The following NUAK2 variants were observed in gnomAD, a reference collection of about 807,000 sequenced individuals.
NUAK2 encodes NUAK family SNF1-like kinase 2.
Under a neutral mutation model 29.8 loss-of-function variants are expected in NUAK2, and 20 were observed. The observed-to-expected ratio is 0.67, with a 90% CI of 0.47 to 0.98. The LOEUF (loss-of-function observed/expected upper bound fraction) is 0.98. Ranked by LOEUF, NUAK2 falls within the 50% of genes least tolerant of loss-of-function variation. NUAK2 has a pLI of 0.00. For synonymous variants in NUAK2, 331 were observed against 342.6 expected (o/e 0.97, Z 0.37); for missense variants, 719 against 834.5 (o/e 0.86, Z 1.71).
chr1:205,321,130 A>G (rs1156554839), intron 1 of NUAK2, among the ~76,000 whole-genome samples: 1 of 152,170 alleles, frequency 6.6e-6, no homozygotes, highest in Non-Finnish European at 1.5e-5. Flanking sequence ...TTCCGCGCCA[A>G]CTATCCATAG....
chr1:205,308,439 A>G lies in NUAK2; in HGVS notation c.504+142T>C. 1.0e-6 allele frequency: 1 copy of G among 963,666 alleles called. No individual in the cohort carries two copies. Among genetic ancestry groups the G allele is most frequent in the Non-Finnish European group, 1.6e-6 (1 of 634,022 alleles). The allele number at this position is 963,666 out of a possible 1,614,324, so 59.7% of individuals were successfully genotyped here. Reference sequence around the variant, plus strand: ...GGGACTCAAAGTCAGAGACACTGACATTTCCCTGAGAGTCCAGAATCTAGT... The same window carrying G: ...GGGACTCAAAGTCAGAGACACTGACGTTTCCCTGAGAGTCCAGAATCTAGT... On this transcript the variant is annotated intron_variant, in intron 3 of 6. Transcript: ENST00000367157. This position sits in a 1 kb window ranked among gnomAD's most constrained non-coding sequence, Gnocchi z 4.1.
At chr1:205,314,503 G>C (rs1342015716) in intron 1 of NUAK2, among the ~76,000 whole-genome samples, 8 of 152,222 alleles carry the variant, frequency 5.3e-5, no homozygotes, top group Non-Finnish European at 1.0e-4. Flanking sequence ...GAGAGGGCCT[G>C]AATCCTCCTT....
At chr1:205,307,008 T>C (rs577992584) in intron 4 of NUAK2, among the ~76,000 whole-genome samples, 19 of 152,230 alleles carry the variant, frequency 1.2e-4, no homozygotes, top group Non-Finnish European at 2.5e-4. Context: ...GAAGCAATAA[T>C]GAGGGCAGAA....
Position 205,303,644 on chromosome 1 carries a change from C to G in NUAK2, c.1693G>C (p.Glu565Gln). The G allele has an allele frequency of 6.3e-7, 1 of 1,588,714 alleles. No homozygotes were observed. The highest frequency in any genetic ancestry group is 1.1e-5 in the South Asian group (1 of 88,138). The change falls in exon 7 of 7, where the codon GAG becomes CAG. Residue 565 changes from glutamate to glutamine, a missense_variant. Physicochemically the swap from Glu to Gln is conservative, Grantham distance 29. This residue lies in a region of NUAK2 where 430 missense variants were observed against 465.7 expected (regional missense o/e 0.92). Coordinates refer to ENST00000367157, the MANE Select transcript of NUAK2 (RefSeq NM_030952.3). The stretch of plus-strand genomic sequence containing the variant: ...GACACACAGCCCCGCAGTGGGGGCT[C>G]TGGGAGCCGTTCAGGCAAGTCCAGC... Reference protein sequence around the residue: ...DQLDLPERLPEPPLRGCVSVD... With the variant: ...DQLDLPERLPQPPLRGCVSVD...
At chr1:205,310,505 G>A (rs1662242518) in intron 2 of NUAK2, among the ~76,000 whole-genome samples, 1 of 152,190 alleles carries the variant, frequency 6.6e-6, no homozygotes, top group African/African-American at 2.4e-5. Context: ...GAAGGTGCCA[G>A]AGAAGCCATA....
At chr1:205,321,277 C>T in intron 1 of NUAK2, 121 bp downstream of exon 1, 5 of 831,300 alleles carry the variant, frequency 6.0e-6, no homozygotes, top group Non-Finnish European at 9.0e-6. Context: ...AAGCTCAGCG[C>T]GGTAAAGACC....
chr1:205,319,250 A>G (rs1212036766), intron 1 of NUAK2, among the ~76,000 whole-genome samples: 1 of 152,232 alleles, frequency 6.6e-6, no homozygotes, highest in Non-Finnish European at 1.5e-5. Flanking sequence ...GGTTCACAGC[A>G]GGTCCCATGC....
intron 1 of NUAK2, among the ~76,000 whole-genome samples, chr1:205,321,124 G>A (rs1299434223): frequency 6.6e-6 from 1 of 152,118 alleles, no homozygotes; most frequent in Admixed American, 6.5e-5. Flanking sequence ...TCGTTTTTCC[G>A]CGCCAACTAT....
rs148090503 is a variant in NUAK2, at chr1:205,303,979, C to T, written c.1358G>A (p.Arg453Gln). The change falls in exon 7 of 7, where the codon CGA (arginine) becomes CAA (glutamine). Residue 453 changes from arginine to glutamine, a missense_variant. Coordinates refer to ENST00000367157, the MANE Select transcript of NUAK2 (RefSeq NM_030952.3). The stretch of plus-strand genomic sequence containing the variant: ...GGAGTAGTAGCCAGACTCGCGCTGT[C>T]GGGGCTTCTTGAGAATGCCCTTCTT... ...LPKKGILKKP[R>Q]QRESGYYSSP... 143 of 1,613,772 alleles carry T rather than the reference C, an allele frequency of 8.9e-5. No individual in the cohort carries two copies. Among genetic ancestry groups the T allele is most frequent in the African/African-American group, 2.0e-4 (15 of 74,928 alleles).
chr1:205,303,223 C>T lies in NUAK2; in HGVS notation c.*227G>A. ...GTCGCGGGCATTCCCGTTCCCCTCTCTTTAGTATCCTCTTCGTTCAGCAGG... is the reference window on the plus strand; with the variant it reads ...GTCGCGGGCATTCCCGTTCCCCTCTTTTTAGTATCCTCTTCGTTCAGCAGG... On this transcript the variant is annotated 3_prime_UTR_variant, in exon 7 of 7. Coordinates refer to ENST00000367157, the MANE Select transcript of NUAK2 (RefSeq NM_030952.3). 1 of 414,134 alleles carries T rather than the reference C, an allele frequency of 2.4e-6. No individual in the cohort carries two copies. Among genetic ancestry groups the T allele is most frequent in the Non-Finnish European group, 4.3e-6 (1 of 232,754 alleles). 25.7% of individuals were successfully genotyped at this position (414,134 alleles called of 1,614,324 possible).
At chr1:205,305,602 G>T in intron 5 of NUAK2, 1 of 756,702 alleles carries the variant, frequency 1.3e-6, no homozygotes, top group Non-Finnish European at 1.6e-6. Flanking sequence ...CTCTCAGGAG[G>T]CTGGACTGGG....
chr1:205,315,394 G>A (rs916698942), intron 1 of NUAK2, among the ~76,000 whole-genome samples: 1 of 152,168 alleles, frequency 6.6e-6, no homozygotes, highest in African/African-American at 2.4e-5. Context: ...AACATAAATC[G>A]CAAATATTTA....
At chr1:205,306,873 C>A (rs1662188531) in intron 4 of NUAK2, among the ~76,000 whole-genome samples, 1 of 152,208 alleles carries the variant, frequency 6.6e-6, no homozygotes, top group African/African-American at 2.4e-5. Context: ...CAGGAACAAG[C>A]AAGCCCTATA....
chr1:205,304,586 T>C lies in NUAK2; in HGVS notation c.824-73A>G. The stretch of plus-strand genomic sequence containing the variant: ...GCACTCCCTGTCCCCTGTCCCCAGC[T>C]CATCCCCTTTTGAGCTATGACACTG... On this transcript the variant is annotated intron_variant, in intron 6 of 6. Coordinates refer to ENST00000367157, the MANE Select transcript of NUAK2 (RefSeq NM_030952.3). This position sits in a 1 kb window ranked among gnomAD's most constrained non-coding sequence, Gnocchi z 6.5. The C allele has an allele frequency of 7.8e-7, 1 of 1,274,162 alleles. No individual in the cohort carries two copies. The highest frequency in any genetic ancestry group is 1.1e-6 in the Non-Finnish European group (1 of 939,326). The allele number at this position is 1,274,162 out of a possible 1,614,324, so 78.9% of individuals were successfully genotyped here. A position where few individuals can be genotyped will look rare whatever the true frequency, so the allele number is the denominator to read the frequency against.
intron 2 of NUAK2, 79 bp downstream of exon 2, chr1:205,311,626 G>GACACATGTACATACGCATGTGAACAC (rs1662258539): frequency 5.2e-6 from 8 of 1,541,150 alleles, no homozygotes; most frequent in Non-Finnish European, 7.1e-6. Context: ...TGTTTCTTCT[G>GACACATGTACATACGCATGTGAACAC]ACACATGTAC....
At position 205,308,505 on chromosome 1, in the gene NUAK2, C is replaced by A. The variant is rs950790003; in HGVS notation, c.504+76G>T. The A allele has an allele frequency of 2.2e-5, 33 of 1,497,904 alleles. No individual in the cohort carries two copies. In the Admixed American group the frequency reaches 3.5e-4, roughly 16 times the overall value. 92.8% of individuals were successfully genotyped at this position (1,497,904 alleles called of 1,614,324 possible). ...GTGTGATCCTGGACAAGTCATGGAA[C>A]CTCTCTGGTCCAAAACAGCCCTAGA... On this transcript the variant is annotated intron_variant, in intron 3 of 6. Transcript: ENST00000367157. The surrounding 1 kb of genome is among the most constrained non-coding windows in gnomAD (Gnocchi z 4.1).
Position 205,308,003 on chromosome 1 carries a change from G to A in NUAK2, c.570+162C>T, listed in dbSNP as rs1662205133. Reference sequence around the variant, plus strand: ...CAGCTCTCCATCCACACAATGAGGTGTTGGAATGGATGATGGCTGAGGTCC... The same window carrying A: ...CAGCTCTCCATCCACACAATGAGGTATTGGAATGGATGATGGCTGAGGTCC... On this transcript the variant is annotated intron_variant, in intron 4 of 6. Transcript: ENST00000367157. This position sits in a 1 kb window ranked among gnomAD's most constrained non-coding sequence, Gnocchi z 4.1. 1.8e-5 allele frequency: 10 copies of A among 570,810 alleles called. No individual in the cohort carries two copies. The East Asian group carries it at 2.9e-4, about 17-fold the overall frequency. 35.4% of individuals were successfully genotyped at this position (570,810 alleles called of 1,614,324 possible). A position where few individuals can be genotyped will look rare whatever the true frequency, so the allele number is the denominator to read the frequency against.
intron 1 of NUAK2, among the ~76,000 whole-genome samples, chr1:205,312,137 A>G (rs182506576): frequency 1.3e-5 from 2 of 152,378 alleles, no homozygotes; most frequent in African/African-American, 4.8e-5. Flanking sequence ...GTTATGAATT[A>G]TAAAGCAAAC....
rs1418383329 is a variant in NUAK2 at position 205,302,859 on chromosome 1, C to T, written c.*591G>A. The T allele has an allele frequency of 6.6e-6, 1 of 152,114 alleles. No homozygotes were observed. The highest frequency in any genetic ancestry group is 1.5e-5 in the Non-Finnish European group (1 of 68,102). 9.4% of individuals were successfully genotyped at this position (152,114 alleles called of 1,614,324 possible). A position where few individuals can be genotyped will look rare whatever the true frequency, so the allele number is the denominator to read the frequency against. On this transcript the variant is annotated 3_prime_UTR_variant, in exon 7 of 7. Transcript: ENST00000367157. ...TGAGCTGAGATCGCGCCATTGCACT[C>T]TAGCCTGGGCACCAAGAGCGAAACT...
Sources: gnomAD v4.1 joint callset for allele counts (sites outside exome capture counted in the v4.1 genomes callset) on GRCh38, gnomAD v4.1.1 for gene constraint, gnomAD v4.1.1 regional missense constraint, Gnocchi (gnomAD v3.1) non-coding constraint, MANE v1.5 for transcripts, NCBI Gene and HGNC (gene_info 2026-07-23, HGNC 2026-07-21) for gene names.